The following ARFIP1 variants were observed in gnomAD, a reference collection of about 807,000 sequenced individuals.
ARFIP1 encodes the protein arfaptin-1.
In ARFIP1, 24 loss-of-function variants were observed where a neutral mutation model predicts 42.5. The observed-to-expected ratio is 0.57, with a 90% confidence interval of 0.41 to 0.80. ARFIP1 has a LOEUF of 0.80. Among genes scored for constraint, ARFIP1 ranks in the 30% least tolerant of loss-of-function variants. The probability of loss-of-function intolerance (pLI) is 0.00; values close to 1 mark genes in which losing one functional copy is unlikely to be tolerated. For missense variants in ARFIP1, 354 were observed against 434.0 expected, an observed-to-expected ratio of 0.82 and a Z score of 1.64; for synonymous variants, 141 against 153.7, an observed-to-expected ratio of 0.92 and a Z score of 0.61.
chr4:152,848,529 T>TTTC (rs1732738965), intron 2 of ARFIP1, among the ~76,000 whole-genome samples: 1 of 152,242 alleles, frequency 6.6e-6, no homozygotes, highest in Non-Finnish European at 1.5e-5. Flanking sequence ...AGCTAAGTCG[T>TTTC]TTCTTCATTC....
intron 3 of ARFIP1, 132 bp downstream of exon 3, chr4:152,863,846 TC>T (rs1458062722): frequency 1.8e-6 from 1 of 546,774 alleles, no homozygotes; most frequent in Non-Finnish European, 3.2e-6. Context: ...ATAAATGTAT[TC>T]CTTTTTCTCT....
At chr4:152,832,130 A>G (rs1270037668) in intron 2 of ARFIP1, among the ~76,000 whole-genome samples, 1 of 152,160 alleles carries the variant, frequency 6.6e-6, no homozygotes, top group Non-Finnish European at 1.5e-5. Flanking sequence ...TTTATTGAGT[A>G]CATACCCAAG....
intron 8 of ARFIP1, among the ~76,000 whole-genome samples, chr4:152,897,022 A>C (rs1454900450): frequency 2.0e-5 from 3 of 152,250 alleles, no homozygotes; most frequent in African/African-American, 7.2e-5. Flanking sequence ...CATATGGTGC[A>C]ACATTTGCTG....
chr4:152,907,673 C>T (rs1435117710), intron 8 of ARFIP1, among the ~76,000 whole-genome samples: 1 of 152,168 alleles, frequency 6.6e-6, no homozygotes, highest in Non-Finnish European at 1.5e-5. Flanking sequence ...TTTGCTTGAC[C>T]TGATACTCCT....
intron 1 of ARFIP1, among the ~76,000 whole-genome samples, chr4:152,812,942 A>G (rs927764256): frequency 1.3e-5 from 2 of 152,124 alleles, no homozygotes; most frequent in African/African-American, 4.8e-5. Flanking sequence ...TCCAGTTGTT[A>G]TGATTTATTG....
chr4:152,782,225 TGTGTG>T (rs1730549896), intron 1 of ARFIP1, among the ~76,000 whole-genome samples: 2 of 27,518 alleles, frequency 7.3e-5, no homozygotes, highest in Non-Finnish European at 1.6e-4. Flanking sequence ...CAGGTAGGGG[TGTGTG>T]TGTGTGTGTG....
At chr4:152,782,768 G>T (rs751411444) in intron 1 of ARFIP1, among the ~76,000 whole-genome samples, 1 of 152,110 alleles carries the variant, frequency 6.6e-6, no homozygotes, top group Non-Finnish European at 1.5e-5. Context: ...GAATACGTTA[G>T]TATCCTTCCA....
chr4:152,889,536 C>CATATATATATATATATATATATATATAT (rs58428402), intron 8 of ARFIP1, among the ~76,000 whole-genome samples: 1 of 47,560 alleles, frequency 2.1e-5, no homozygotes, highest in Non-Finnish European at 3.7e-5. Flanking sequence ...TATATATATA[C>CATATATATATATATATATATATATATAT]ACCTATTTTT....
intron 1 of ARFIP1, among the ~76,000 whole-genome samples, chr4:152,802,807 A>C (rs975960158): frequency 2.0e-5 from 3 of 152,146 alleles, no homozygotes; most frequent in Admixed American, 6.6e-5. Flanking sequence ...TGCATTATTA[A>C]GATAGTGTTT....
At chr4:152,789,699 T>C (rs907006998) in intron 1 of ARFIP1, among the ~76,000 whole-genome samples, 1 of 152,206 alleles carries the variant, frequency 6.6e-6, no homozygotes, top group Non-Finnish European at 1.5e-5. Context: ...ATTTTATACT[T>C]AAGGGTAAAT....
intron 1 of ARFIP1, among the ~76,000 whole-genome samples, chr4:152,817,944 A>T (rs1399207064): frequency 6.6e-6 from 1 of 152,250 alleles, no homozygotes; most frequent in Non-Finnish European, 1.5e-5. Flanking sequence ...CTATTAGAAA[A>T]AAACAGTAAA....
chr4:152,839,380 G>A (rs561789423), intron 2 of ARFIP1, among the ~76,000 whole-genome samples: 5 of 152,178 alleles, frequency 3.3e-5, no homozygotes, highest in Admixed American at 2.6e-4. Context: ...TGAATTTCTG[G>A]TATAATTCTG....
At position 152,820,080 on chromosome 4, in the gene ARFIP1, GGGA is replaced by G. The variant is rs1341219404; in HGVS notation, c.-9-9542_-9-9540del. On this transcript the variant is annotated intron_variant, in intron 1 of 8. Transcript: ENST00000353617. ...GGAACACTGGGTCAAGAGTGTGATT[GGGA>G]GGTAGACTGCTTTCCTGCTGGCTTG... 2.6e-5 allele frequency among the ~76,000 whole-genome samples: 4 copies of G among 152,144 alleles called. No individual in the cohort carries two copies. The East Asian group carries it at 7.7e-4, about 29-fold the overall frequency.
chr4:152,829,500 A>G, intron 1 of ARFIP1, 125 bp from the exon 2 acceptor site: 1 of 560,890 alleles, frequency 1.8e-6, no homozygotes, highest in Non-Finnish European at 3.1e-6. Context: ...TGTTTATTAT[A>G]CAAGTATTTG....
intron 1 of ARFIP1, among the ~76,000 whole-genome samples, chr4:152,801,681 T>A (rs1178089424): frequency 1.3e-5 from 2 of 152,170 alleles, no homozygotes; most frequent in Non-Finnish European, 2.9e-5. Context: ...CTGTCTTGAT[T>A]GTGGTCTGTT....
intron 1 of ARFIP1, among the ~76,000 whole-genome samples, chr4:152,813,649 T>C (rs911908093): frequency 6.6e-6 from 1 of 152,192 alleles, no homozygotes; most frequent in Middle Eastern, 3.2e-3. Flanking sequence ...AATAATGCAC[T>C]GCTTCACTTG....
chr4:152,815,911 A>G (rs1210013583), intron 1 of ARFIP1, among the ~76,000 whole-genome samples: 3 of 151,022 alleles, frequency 2.0e-5, no homozygotes, highest in Non-Finnish European at 4.4e-5. Flanking sequence ...CGCCCGGCTA[A>G]TTTTTTGTAT....
At chr4:152,818,546 A>G (rs1428068750) in intron 1 of ARFIP1, among the ~76,000 whole-genome samples, 2 of 152,226 alleles carry the variant, frequency 1.3e-5, no homozygotes, top group Admixed American at 6.5e-5. Context: ...AGAAGCTCCC[A>G]ACTGAGATTT....
At chr4:152,780,829 A>G (rs762882285) in intron 1 of ARFIP1, among the ~76,000 whole-genome samples, 1 of 152,164 alleles carries the variant, frequency 6.6e-6, no homozygotes, top group Non-Finnish European at 1.5e-5. Flanking sequence ...AAAGGAAATA[A>G]TTTTTTAAAA....
Sources: gnomAD v4.1 joint callset for allele counts (sites outside exome capture counted in the v4.1 genomes callset) on GRCh38, gnomAD v4.1.1 for gene constraint, MANE v1.5 for transcripts, NCBI Gene and HGNC (gene_info 2026-07-23, HGNC 2026-07-21) for gene names.